PARP15: variants seen among roughly 807,000 people sequenced by gnomAD.
PARP15 encodes poly(ADP-ribose) polymerase family member 15, also known as protein mono-ADP-ribosyltransferase PARP15.
A neutral mutation model predicts 62.1 loss-of-function variants in PARP15; 50 were observed. The observed-to-expected ratio is 0.81, with a 90% CI of 0.64 to 1.02. The LOEUF is 1.02. PARP15 is among the 50% of genes least tolerant of loss of function. PARP15 has a pLI of 0.00. For synonymous variants in PARP15, 309 were observed against 293.1 expected (o/e 1.05, Z -0.55); for missense variants, 820 against 826.5 (o/e 0.99, Z 0.10).
intron 2 of PARP15, among the ~76,000 whole-genome samples, chr3:122,608,213 C>CTTTTTTTTTTTTTTTTTTTT (rs71136576): frequency 1.1e-4 from 13 of 113,912 alleles, no homozygotes; most frequent in Admixed American, 1.8e-4. Flanking sequence ...TTTCTCTTTT[C>CTTTTTTTTTTTTTTTTTTTT]TTTTTTTTTT....
At chr3:122,615,996 C>G (rs770246091) in intron 5 of PARP15, 139 bp downstream of exon 5, 2 of 793,568 alleles carry the variant, frequency 2.5e-6, no homozygotes, top group East Asian at 2.7e-5. Flanking sequence ...TAGAGCATGT[C>G]CCATTGTCTG....
chr3:122,608,986 T>A (rs1935375626), intron 2 of PARP15, among the ~76,000 whole-genome samples: 1 of 151,814 alleles, frequency 6.6e-6, no homozygotes, highest in Non-Finnish European at 1.5e-5. Flanking sequence ...AACTCCTGGG[T>A]TCAAGTGATC....
chr3:122,588,059 A>G (rs1933591191), intron 1 of PARP15, among the ~76,000 whole-genome samples: 1 of 152,178 alleles, frequency 6.6e-6, no homozygotes, highest in African/African-American at 2.4e-5. Flanking sequence ...CTGTGGAAAG[A>G]TGCATTTTAA....
At chr3:122,612,681 C>G (rs1436589195) in intron 3 of PARP15, among the ~76,000 whole-genome samples, 1 of 152,106 alleles carries the variant, frequency 6.6e-6, no homozygotes, top group Non-Finnish European at 1.5e-5. Flanking sequence ...ACCTCATTAT[C>G]TGCCTGCCTC....
At chr3:122,593,716 C>T (rs901504242) in intron 1 of PARP15, among the ~76,000 whole-genome samples, 1 of 152,146 alleles carries the variant, frequency 6.6e-6, no homozygotes, top group Non-Finnish European at 1.5e-5. Flanking sequence ...TCTGTGTTCA[C>T]TCCCTCAGCC....
intron 3 of PARP15, among the ~76,000 whole-genome samples, chr3:122,612,700 A>G (rs1276041687): frequency 6.6e-6 from 1 of 152,120 alleles, no homozygotes; most frequent in Non-Finnish European, 1.5e-5. Context: ...TCAGCTTCCC[A>G]AAGTGCTGGG....
intron 1 of PARP15, among the ~76,000 whole-genome samples, chr3:122,584,573 C>CTTTTTTTTTTTTTTT (rs377394521): frequency 9.5e-5 from 13 of 136,926 alleles, no homozygotes; most frequent in Admixed American, 2.4e-4. Context: ...CCATTTCTTT[C>CTTTTTTTTTTTTTTT]CTTTTTTTTT....
intron 1 of PARP15, among the ~76,000 whole-genome samples, chr3:122,596,473 G>T (rs1028009921): frequency 6.6e-5 from 10 of 151,508 alleles, no homozygotes; most frequent in East Asian, 1.9e-4. Flanking sequence ...CATGTCAGCG[G>T]ATAGCAACTC....
intron 1 of PARP15, among the ~76,000 whole-genome samples, chr3:122,587,417 C>T (rs1010865011): frequency 1.3e-5 from 2 of 152,232 alleles, no homozygotes; most frequent in African/African-American, 4.8e-5. Context: ...CCATCAACAA[C>T]AAATGAGTGT....
chr3:122,636,087 C>T lies in PARP15; in HGVS notation c.2024C>T (p.Thr675Ile), dbSNP rs746166238. The change falls in exon 12 of 12, where the codon ACT becomes ATT. Residue 675 changes from threonine (T) to isoleucine (I), a missense_variant. By Grantham distance (89) the Thr-to-Ile change is moderately conservative. Around this residue, in one of 3 missense-constraint regions of PARP15, gnomAD observed 84 missense variants for 79.7 expected, o/e 1.05. Transcript: ENST00000464300. The part of the protein sequence containing the change: ...DNQAYPEYLI[T>I]FTA Reference sequence around the variant, plus strand: ...CAGGCTTACCCAGAATATCTCATAACTTTCACGGCTTAAAAATATTTTTAT... The same window carrying T: ...CAGGCTTACCCAGAATATCTCATAATTTTCACGGCTTAAAAATATTTTTAT... 3 of 1,609,266 alleles carry T rather than the reference C, an allele frequency of 1.9e-6. No individual in the cohort carries two copies. Among genetic ancestry groups the T allele is most frequent in the Non-Finnish European group, 2.5e-6 (3 of 1,176,532 alleles).
chr3:122,592,626 AAAAAAG>A (rs1934015220), intron 1 of PARP15, among the ~76,000 whole-genome samples: 1 of 152,118 alleles, frequency 6.6e-6, no homozygotes. Context: ...ATTAAAAAAA[AAAAAAG>A]AAAACCAGAC....
intron 1 of PARP15, among the ~76,000 whole-genome samples, chr3:122,603,815 A>G (rs1391385022): frequency 6.6e-6 from 1 of 152,236 alleles, no homozygotes; most frequent in African/African-American, 2.4e-5. Flanking sequence ...TATTGCCCAG[A>G]AACCTACTGC....
At chr3:122,623,909 T>G (rs1358829244) in intron 8 of PARP15, among the ~76,000 whole-genome samples, 1 of 152,160 alleles carries the variant, frequency 6.6e-6, no homozygotes, top group African/African-American at 2.4e-5. Context: ...TTTGCGGGGC[T>G]GAGGCGGGTG....
At chr3:122,614,809 GC>G (rs1200219449) in intron 4 of PARP15, among the ~76,000 whole-genome samples, 2 of 152,034 alleles carry the variant, frequency 1.3e-5, no homozygotes, top group African/African-American at 4.8e-5. Flanking sequence ...CAGGGGGATT[GC>G]TTGAGTCCAG....
chr3:122,580,975 T>A (rs1276229482), intron 1 of PARP15, among the ~76,000 whole-genome samples: 3 of 152,226 alleles, frequency 2.0e-5, no homozygotes, highest in Non-Finnish European at 2.9e-5. Context: ...TCCCATTGTG[T>A]TACCATTGCC....
intron 1 of PARP15, among the ~76,000 whole-genome samples, chr3:122,584,823 C>A (rs369656435): frequency 7.2e-5 from 11 of 152,238 alleles, no homozygotes; most frequent in East Asian, 3.9e-4. Context: ...GGTGATCCAC[C>A]CGCCGTGGCC....
At position 122,638,201 on chromosome 3, in the gene PARP15, G is replaced by A. The variant is rs1323462762; in HGVS notation, c.*2101G>A. ...CATTTTCTTAATCCAGTCTATCATTGTTGGACATTTGGGTTGGTTCCAAGT... is the reference window on the plus strand; with the variant it reads ...CATTTTCTTAATCCAGTCTATCATTATTGGACATTTGGGTTGGTTCCAAGT... On this transcript the variant is annotated 3_prime_UTR_variant, in exon 12 of 12. Transcript: ENST00000464300. 1 of 152,018 alleles carries A rather than the reference G, an allele frequency of 6.6e-6. No homozygotes were observed. Among genetic ancestry groups the A allele is most frequent in the Non-Finnish European group, 1.5e-5 (1 of 67,992 alleles). 9.4% of individuals were successfully genotyped at this position (152,018 alleles called of 1,614,324 possible). A position where few individuals can be genotyped will look rare whatever the true frequency, so the allele number is the denominator to read the frequency against.
chr3:122,613,373 T>TAA (rs1935714778), intron 4 of PARP15, 105 bp downstream of exon 4: 2 of 988,384 alleles, frequency 2.0e-6, no homozygotes, highest in Admixed American at 2.2e-5. Context: ...CCTGTGCCTA[T>TAA]AAGTGATGGT....
rs13090108 is a variant in PARP15 at position 122,599,507 on chromosome 3, C to A, written c.187-6429C>A. On this transcript the variant is annotated intron_variant, in intron 1 of 11. Coordinates refer to ENST00000464300, the MANE Select transcript of PARP15 (RefSeq NM_001113523.3). ...CTTTCTTTTTCTTGCCTTTCTTCCT[C>A]GAATTTCTCTTTTTTCTTTTCTTTC... Among the ~76,000 whole-genome samples, 4 of 142,336 alleles carry A rather than the reference C, an allele frequency of 2.8e-5. No homozygotes were observed. The East Asian group carries it at 8.5e-4, about 30-fold the overall frequency. The allele number at this position is 142,336 out of a possible 152,430, so 93.4% of individuals were successfully genotyped here.
Sources: gnomAD v4.1 joint callset for allele counts (sites outside exome capture counted in the v4.1 genomes callset) on GRCh38, gnomAD v4.1.1 for gene constraint, gnomAD v4.1.1 regional missense constraint, MANE v1.5 for transcripts, NCBI Gene and HGNC (gene_info 2026-07-23, HGNC 2026-07-21) for gene names.